HPSE2: variants seen among roughly 807,000 people sequenced by gnomAD.
HPSE2 encodes inactive heparanase-2.
HPSE2 carries 38 observed loss-of-function variants against 60.5 expected under a neutral mutation model. The observed-to-expected ratio is 0.63, with a 90% CI of 0.48 to 0.82. The LOEUF (loss-of-function observed/expected upper bound fraction) is 0.82, where lower values mean the gene tolerates loss of function less well. Ranked by LOEUF, HPSE2 falls within the 40% of genes least tolerant of loss-of-function variation. The pLI, the probability that HPSE2 is intolerant of heterozygous loss-of-function variation, is 0.00. For missense variants in HPSE2, 713 were observed against 740.4 expected, an observed-to-expected ratio of 0.96 and a Z score of 0.43; for synonymous variants, 295 against 293.2, an observed-to-expected ratio of 1.01 and a Z score of -0.06.
chr10:98,903,630 A>G (rs1245224259), intron 3 of HPSE2, among the ~76,000 whole-genome samples: 1 of 152,082 alleles, frequency 6.6e-6, no homozygotes, highest in Non-Finnish European at 1.5e-5. Flanking sequence ...TTTCTTTTGA[A>G]ATTATATTTT....
intron 11 of HPSE2, among the ~76,000 whole-genome samples, chr10:98,466,198 C>G (rs1182707576): frequency 2.0e-5 from 3 of 152,174 alleles, no homozygotes; most frequent in Non-Finnish European, 2.9e-5. Flanking sequence ...TACAGTCTGG[C>G]AAGAGGGGAT....
chr10:98,512,039 A>G (rs1408319249), intron 9 of HPSE2, among the ~76,000 whole-genome samples: 1 of 152,250 alleles, frequency 6.6e-6, no homozygotes, highest in Non-Finnish European at 1.5e-5. Context: ...TGGAGAGCCA[A>G]GAAGAAATGG....
At chr10:98,989,288 C>G (rs1226636207) in intron 3 of HPSE2, among the ~76,000 whole-genome samples, 1 of 152,174 alleles carries the variant, frequency 6.6e-6, no homozygotes, top group Admixed American at 6.5e-5. Context: ...AAATGTGGCA[C>G]ATATACACCA....
intron 7 of HPSE2, among the ~76,000 whole-genome samples, chr10:98,638,394 G>T (rs1397621419): frequency 2.0e-5 from 3 of 151,986 alleles, no homozygotes; most frequent in East Asian, 3.9e-4. Context: ...GCAGTGAGCT[G>T]AGATTGCGCC....
the HPSE2 span, among the ~76,000 whole-genome samples, chr10:99,311,428 T>C: frequency 6.6e-6 from 1 of 152,252 alleles, no homozygotes; most frequent in Non-Finnish European, 1.5e-5. Flanking sequence ...GTAATTCTTG[T>C]TAATATTTCA....
chr10:98,467,649 G>A (rs1940596863), intron 11 of HPSE2, among the ~76,000 whole-genome samples: 2 of 152,182 alleles, frequency 1.3e-5, no homozygotes, highest in South Asian at 4.1e-4. Context: ...ATGGTGCCAG[G>A]ACAGTCTGAC....
Position 98,902,044 on chromosome 10 carries a change from T to C in HPSE2, c.611-157988A>G, listed in dbSNP as rs1953681476. Reference sequence around the variant, plus strand: ...CTAAAAATGCTATAATTTGTTCATGTAATCACAACTCATACTGTCATCCAT... The same window carrying C: ...CTAAAAATGCTATAATTTGTTCATGCAATCACAACTCATACTGTCATCCAT... On this transcript the variant is annotated intron_variant, in intron 3 of 11. Transcript: ENST00000370552. 3.3e-5 allele frequency among the ~76,000 whole-genome samples: 5 copies of C among 152,182 alleles called. No individual in the cohort carries two copies. The South Asian group carries it at 1.0e-3, about 32-fold the overall frequency.
intron 9 of HPSE2, among the ~76,000 whole-genome samples, chr10:98,561,213 C>G (rs1466898607): frequency 6.7e-6 from 1 of 149,916 alleles, no homozygotes; most frequent in Non-Finnish European, 1.5e-5. Flanking sequence ...GTCACCCACA[C>G]TGGAGTGCAG....
intron 2 of HPSE2, among the ~76,000 whole-genome samples, chr10:99,219,717 T>C (rs1416016660): frequency 1.3e-5 from 2 of 152,230 alleles, no homozygotes; most frequent in Non-Finnish European, 2.9e-5. Context: ...TAAAATAAGA[T>C]TACCGTACTG....
At chr10:98,743,261 A>T (rs955793075) in intron 4 of HPSE2, among the ~76,000 whole-genome samples, 3 of 151,630 alleles carry the variant, frequency 2.0e-5, no homozygotes, top group Non-Finnish European at 4.4e-5. Context: ...CTGAGCCACC[A>T]CGCCCAGCCA....
intron 5 of HPSE2, among the ~76,000 whole-genome samples, chr10:98,718,954 A>G (rs1948855047): frequency 6.6e-6 from 1 of 152,188 alleles, no homozygotes. Context: ...CCCAACACAA[A>G]GAAATAATTT....
At chr10:98,830,626 C>T (rs565673803) in intron 3 of HPSE2, among the ~76,000 whole-genome samples, 2 of 152,152 alleles carry the variant, frequency 1.3e-5, no homozygotes, top group Non-Finnish European at 2.9e-5. Context: ...ATAAGCAAGG[C>T]TTACTAACAA....
intron 6 of HPSE2, among the ~76,000 whole-genome samples, chr10:98,690,072 AG>A (rs1948034713): frequency 6.6e-6 from 1 of 152,184 alleles, no homozygotes; most frequent in Non-Finnish European, 1.5e-5. Flanking sequence ...GATCAGACAA[AG>A]ATGTGAGGGA....
At chr10:98,595,292 C>A (rs951986766) in intron 9 of HPSE2, among the ~76,000 whole-genome samples, 6 of 151,668 alleles carry the variant, frequency 4.0e-5, no homozygotes, top group Admixed American at 3.9e-4. Flanking sequence ...GCCTCAGCCT[C>A]CTGAGTAGCT....
the HPSE2 span, among the ~76,000 whole-genome samples, chr10:99,308,741 A>G: frequency 6.7e-6 from 1 of 148,444 alleles, no homozygotes; most frequent in Non-Finnish European, 1.5e-5. Context: ...TACAAAATAC[A>G]GTAATTCTTG....
At chr10:99,057,483 C>T (rs959031795) in intron 3 of HPSE2, among the ~76,000 whole-genome samples, 1 of 152,166 alleles carries the variant, frequency 6.6e-6, no homozygotes, top group Non-Finnish European at 1.5e-5. Context: ...TTTGATCTGT[C>T]ATCTGCTTCT....
intron 2 of HPSE2, among the ~76,000 whole-genome samples, chr10:99,178,570 G>A (rs1374657054): frequency 6.6e-6 from 1 of 152,078 alleles, no homozygotes; most frequent in South Asian, 2.1e-4. Context: ...ATTAAACCAG[G>A]AAGAAGTCAA....
At chr10:98,630,267 G>A (rs1946331032) in intron 7 of HPSE2, among the ~76,000 whole-genome samples, 1 of 143,026 alleles carries the variant, frequency 7.0e-6, no homozygotes, top group East Asian at 2.1e-4. Flanking sequence ...GCGCCATCTT[G>A]GCTCACTGCA....
At chr10:98,753,392 C>T (rs190059467) in intron 3 of HPSE2, among the ~76,000 whole-genome samples, 89 of 152,150 alleles carry the variant, frequency 5.8e-4, no homozygotes, top group Admixed American at 3.6e-3. Flanking sequence ...CAATTTCACT[C>T]CTAGGTATAT....
Sources: allele counts gnomAD v4.1 joint callset (sites outside exome capture counted in the v4.1 genomes callset), GRCh38; gene constraint gnomAD v4.1.1; transcripts MANE v1.5; gene names NCBI Gene and HGNC (gene_info 2026-07-23, HGNC 2026-07-21).